Variants in MYRIP observed in about 807,000 individuals in gnomAD.
The protein encoded by MYRIP is rab effector MyRIP.
Under a neutral mutation model 98.0 loss-of-function variants are expected in MYRIP, and 49 were observed. The observed-to-expected ratio is 0.50, with a 90% CI of 0.40 to 0.63. The LOEUF (loss-of-function observed/expected upper bound fraction) is 0.63. Ranked by LOEUF, MYRIP falls within the 30% of genes least tolerant of loss-of-function variation. The pLI is 0.00. For synonymous variants in MYRIP, 404 were observed against 409.5 expected (o/e 0.99, Z 0.16); for missense variants, 1,004 against 1,058.2 (o/e 0.95, Z 0.71).
In MYRIP at chr3:40,167,193, A is replaced by G. The variant is rs1219240788; in HGVS notation, c.683A>G (p.His228Arg). The change falls in exon 7 of 17, where the codon CAC (histidine) becomes CGC (arginine). Residue 228 changes from histidine (H) to arginine (R), a missense_variant. By Grantham distance (29) the His-to-Arg change is conservative. This residue lies in a region of MYRIP where 880 missense variants were observed against 907.7 expected (regional missense o/e 0.97). Coordinates refer to ENST00000302541, the MANE Select transcript of MYRIP (RefSeq NM_015460.4). ...AATGAGGCCAGTTACCTGCGGGACC[A>G]CAAGGAGGAGCTAACTGAGGAACTG... The part of the protein sequence containing the change: ...KQNEASYLRD[H>R]KEELTEELAT... 1.2e-6 allele frequency: 2 copies of G among 1,614,196 alleles called. No homozygotes were observed. Among genetic ancestry groups the G allele is most frequent in the Non-Finnish European group, 8.5e-7 (1 of 1,180,044 alleles).
At chr3:40,014,003 T>G (rs1946812096) in intron 2 of MYRIP, among the ~76,000 whole-genome samples, 1 of 152,232 alleles carries the variant, frequency 6.6e-6, no homozygotes. Flanking sequence ...AGCATTAAAT[T>G]TATTCATAAG....
chr3:39,934,495 A>C (rs551055612), intron 2 of MYRIP, among the ~76,000 whole-genome samples: 245 of 152,264 alleles, frequency 1.6e-3, no homozygotes, highest in Non-Finnish European at 2.9e-3. Context: ...CTATGCAAGC[A>C]GAATCATGGC....
chr3:39,885,726 T>A (rs1169822647), intron 1 of MYRIP, among the ~76,000 whole-genome samples: 1 of 152,172 alleles, frequency 6.6e-6, no homozygotes, highest in African/African-American at 2.4e-5. Context: ...AAACTTCCCT[T>A]CTCACTTCAT....
intron 2 of MYRIP, among the ~76,000 whole-genome samples, chr3:39,999,928 A>T (rs1391388793): frequency 6.6e-6 from 1 of 151,390 alleles, no homozygotes; most frequent in Non-Finnish European, 1.5e-5. Flanking sequence ...TCGCAAGGAC[A>T]AAAAACCAAA....
chr3:40,158,913 T>C (rs973142242), intron 4 of MYRIP, among the ~76,000 whole-genome samples: 1 of 152,030 alleles, frequency 6.6e-6, no homozygotes, highest in Admixed American at 6.6e-5. Context: ...ATGGGTTTCC[T>C]GAATACAGCA....
At chr3:40,114,186 T>C (rs561800535) in intron 3 of MYRIP, among the ~76,000 whole-genome samples, 2 of 152,346 alleles carry the variant, frequency 1.3e-5, no homozygotes, top group Admixed American at 1.3e-4. Context: ...TACTATAACA[T>C]TGTAATATAT....
At chr3:40,132,140 A>C (rs764384339) in intron 3 of MYRIP, among the ~76,000 whole-genome samples, 2 of 152,190 alleles carry the variant, frequency 1.3e-5, no homozygotes, top group African/African-American at 2.4e-5. Context: ...GAATTAGGGA[A>C]GACATTGAGA....
At chr3:40,135,108 C>G (rs756307238) in intron 3 of MYRIP, among the ~76,000 whole-genome samples, 2 of 151,884 alleles carry the variant, frequency 1.3e-5, no homozygotes, top group Admixed American at 6.6e-5. Context: ...AAGTTTGAAC[C>G]AATGGCAAAG....
chr3:39,908,061 G>A lies in MYRIP; in HGVS notation c.110+7135G>A, dbSNP rs557934541. Among the ~76,000 whole-genome samples the A allele has an allele frequency of 1.4e-4, 21 of 152,314 alleles. 1 individual carries two copies. In the Middle Eastern group the frequency reaches 0.017, roughly 123 times the overall value. Reference sequence around the variant, plus strand: ...AAAATTTCTCATTTACTATGTGCTTGCCAAAAGCTAGTTAGCATTTGGATA... The same window carrying A: ...AAAATTTCTCATTTACTATGTGCTTACCAAAAGCTAGTTAGCATTTGGATA... On this transcript the variant is annotated intron_variant, in intron 2 of 16. Transcript: ENST00000302541.
At chr3:40,053,883 C>A (rs1947836381) in intron 3 of MYRIP, among the ~76,000 whole-genome samples, 1 of 152,178 alleles carries the variant, frequency 6.6e-6, no homozygotes, top group South Asian at 2.1e-4. Flanking sequence ...CACTTAACTG[C>A]ACACTTGGAT....
intron 1 of MYRIP, among the ~76,000 whole-genome samples, chr3:39,873,292 T>C (rs1260754352): frequency 6.6e-6 from 1 of 152,318 alleles, no homozygotes; most frequent in African/African-American, 2.4e-5. Context: ...GTAGGTTGCC[T>C]GTTCACTCTG....
At chr3:39,903,624 A>C (rs1029995078) in intron 2 of MYRIP, among the ~76,000 whole-genome samples, 4 of 152,228 alleles carry the variant, frequency 2.6e-5, no homozygotes, top group South Asian at 2.1e-4. Flanking sequence ...AAAGAGAACT[A>C]AAATGTATAA....
At chr3:39,872,817 T>C (rs1278405708) in intron 1 of MYRIP, among the ~76,000 whole-genome samples, 1 of 152,232 alleles carries the variant, frequency 6.6e-6, no homozygotes, top group African/African-American at 2.4e-5. Context: ...TGTGTCTTTA[T>C]AGCAGCATGA....
chr3:40,186,266 C>A (rs1216156730), intron 9 of MYRIP, among the ~76,000 whole-genome samples: 1 of 152,058 alleles, frequency 6.6e-6, no homozygotes, highest in Non-Finnish European at 1.5e-5. Flanking sequence ...GCTCCACAGC[C>A]ATGCTCGGAG....
chr3:39,809,791 G>C lies in MYRIP; in HGVS notation c.-156G>C, dbSNP rs1374425784. On this transcript the variant is annotated 5_prime_UTR_variant, in exon 1 of 17. Transcript: ENST00000302541. ...GACCGACCCGCGCCCCTTCTTCGCC[G>C]CCGGCAGCCTCTAATCCACGCGGCG... The C allele has an allele frequency of 6.6e-6, 1 of 152,258 alleles. No individual in the cohort carries two copies. The highest frequency in any genetic ancestry group is 2.4e-5 in the African/African-American group (1 of 41,468). 9.4% of individuals were successfully genotyped at this position (152,258 alleles called of 1,614,324 possible).
At chr3:40,099,704 A>T (rs149766927) in intron 3 of MYRIP, among the ~76,000 whole-genome samples, 1 of 152,154 alleles carries the variant, frequency 6.6e-6, no homozygotes, top group Non-Finnish European at 1.5e-5. Flanking sequence ...TCTTGCTGCT[A>T]TTTGAAGCAT....
chr3:40,136,230 A>G (rs1354170634), intron 3 of MYRIP, among the ~76,000 whole-genome samples: 3 of 152,250 alleles, frequency 2.0e-5, no homozygotes, highest in Non-Finnish European at 4.4e-5. Context: ...CAGGGGTTGC[A>G]ATCCTAGTCT....
At chr3:39,923,506 T>C (rs566975081) in intron 2 of MYRIP, among the ~76,000 whole-genome samples, 44 of 152,216 alleles carry the variant, frequency 2.9e-4, no homozygotes, top group Non-Finnish European at 6.2e-4. Context: ...AAAAATAGCA[T>C]GTATTTTTTA....
chr3:40,236,023 G>A (rs1030338975), intron 12 of MYRIP, among the ~76,000 whole-genome samples: 22 of 152,100 alleles, frequency 1.4e-4, no homozygotes, highest in African/African-American at 4.3e-4. Context: ...AAAGCTATTC[G>A]CAAATATAAA....
Sources: gnomAD v4.1 joint callset for allele counts (sites outside exome capture counted in the v4.1 genomes callset) on GRCh38, gnomAD v4.1.1 for gene constraint, gnomAD v4.1.1 regional missense constraint, MANE v1.5 for transcripts, NCBI Gene and HGNC (gene_info 2026-07-23, HGNC 2026-07-21) for gene names.